Variants in TIAM2 observed in about 807,000 individuals in gnomAD.
TIAM2 encodes the protein rho guanine nucleotide exchange factor TIAM2.
A neutral mutation model predicts 152.9 loss-of-function variants in TIAM2; 80 were observed. The observed-to-expected ratio is 0.52, with a 90% CI of 0.44 to 0.63. TIAM2 has a LOEUF of 0.63. TIAM2 is among the 30% of genes least tolerant of loss of function. TIAM2 has a pLI of 0.00. For missense variants in TIAM2, 1,965 were observed against 2,120.1 expected (o/e 0.93, Z 1.44); for synonymous variants, 804 against 838.0 (o/e 0.96, Z 0.70).
At chr6:155,081,680 G>A (rs2114967273) in intron 1 of TIAM2, among the ~76,000 whole-genome samples, 1 of 152,330 alleles carries the variant, frequency 6.6e-6, no homozygotes, top group Non-Finnish European at 1.5e-5. Context: ...GGATGGCTCA[G>A]CCTCCGTGAA....
At chr6:155,092,846 ACT>A (rs34065474) in intron 2 of TIAM2, among the ~76,000 whole-genome samples, 41,582 of 151,660 alleles carry the variant, frequency 0.27, 6,324 homozygotes, top group Middle Eastern at 0.38. Context: ...CAAGAATGAA[ACT>A]CTGTCTCAAA....
chr6:155,225,856 T>C (rs945689410), intron 15 of TIAM2, among the ~76,000 whole-genome samples: 2 of 152,168 alleles, frequency 1.3e-5, no homozygotes, highest in African/African-American at 2.4e-5. Context: ...GATGTGACTG[T>C]TGCATTACTC....
chr6:155,063,781 C>CAAAAA lies in TIAM2; in HGVS notation c.-208-26491_-208-26487dup, dbSNP rs56808026. Among the ~76,000 whole-genome samples the CAAAAA allele has an allele frequency of 1.0e-3, 94 of 90,994 alleles. 2 individuals carry two copies. Among genetic ancestry groups the CAAAAA allele is most frequent in the South Asian group, 3.2e-3 (7 of 2,168 alleles). 59.7% of individuals were successfully genotyped at this position (90,994 alleles called of 152,430 possible). On this transcript the variant is annotated intron_variant, in intron 1 of 26. Transcript: ENST00000682666. The stretch of plus-strand genomic sequence containing the variant: ...TGGGCAACAGAGTGAGACTCTGTCT[C>CAAAAA]AAAAAAAAAAAAAAAAAAAAAGTTA...
intron 7 of TIAM2, among the ~76,000 whole-genome samples, chr6:155,154,520 G>A (rs977877791): frequency 2.0e-5 from 3 of 152,146 alleles, no homozygotes; most frequent in African/African-American, 7.2e-5. Context: ...CCATCCACAC[G>A]CCAGATCGCC....
At chr6:155,075,021 G>C (rs1456305839) in intron 1 of TIAM2, among the ~76,000 whole-genome samples, 1 of 152,154 alleles carries the variant, frequency 6.6e-6, no homozygotes, top group South Asian at 2.1e-4. Context: ...TAAGGACGGT[G>C]GGTGCAGCCG....
chr6:155,074,342 CTTTT>C (rs1008562936), intron 1 of TIAM2, among the ~76,000 whole-genome samples: 2 of 151,040 alleles, frequency 1.3e-5, no homozygotes, highest in Non-Finnish European at 3.0e-5. Flanking sequence ...TAATGATAAG[CTTTT>C]TTTTTGTTTG....
Position 155,254,461 on chromosome 6 carries a change from T to G in TIAM2, c.4356T>G (p.Ser1452=), listed in dbSNP as rs761471189. 1.2e-6 allele frequency: 2 copies of G among 1,614,194 alleles called. No homozygotes were observed. The highest frequency in any genetic ancestry group is 2.2e-5 in the South Asian group (2 of 91,086). ...SKTNIVKVIR[S]ILRENFRRHI... is the part of the protein sequence containing the mutation. ...CCAACATTGTTAAGGTGATTCGTTC[T>G]ATTCTGAGGGAGAACTTCAGGCGTC... Residue 1452 remains serine (S), a synonymous_variant, in exon 26 of 27, where the codon TCT becomes TCG. Transcript: ENST00000682666.
At chr6:155,051,730 C>G (rs891166192) in intron 1 of TIAM2, among the ~76,000 whole-genome samples, 2 of 151,968 alleles carry the variant, frequency 1.3e-5, no homozygotes, top group South Asian at 4.2e-4. Flanking sequence ...CTGCAACTTC[C>G]GCCTCCCAGG....
chr6:155,074,718 A>T (rs915962360), intron 1 of TIAM2, among the ~76,000 whole-genome samples: 1 of 152,108 alleles, frequency 6.6e-6, no homozygotes, highest in East Asian at 1.9e-4. Flanking sequence ...TGTGTTTATT[A>T]CGTTCTTTCT....
At chr6:155,107,291 A>G (rs548562540) in intron 2 of TIAM2, among the ~76,000 whole-genome samples, 1 of 152,272 alleles carries the variant, frequency 6.6e-6, no homozygotes, top group South Asian at 2.1e-4. Flanking sequence ...GTCTGACATT[A>G]TTTTGTACTT....
intron 1 of TIAM2, among the ~76,000 whole-genome samples, chr6:155,011,627 T>C (rs892284040): frequency 6.6e-6 from 1 of 152,248 alleles, no homozygotes; most frequent in Non-Finnish European, 1.5e-5. Context: ...GTGCTAAGCA[T>C]AATTTTAGTT....
chr6:155,056,655 A>G (rs554954029), intron 1 of TIAM2, among the ~76,000 whole-genome samples: 3 of 152,238 alleles, frequency 2.0e-5, no homozygotes, highest in East Asian at 3.9e-4. Context: ...TTGTAGAACA[A>G]TTTTAGATTT....
intron 2 of TIAM2, among the ~76,000 whole-genome samples, chr6:155,097,875 A>T (rs1012055141): frequency 1.3e-5 from 2 of 152,168 alleles, no homozygotes; most frequent in African/African-American, 4.8e-5. Context: ...TTCTGCCTAT[A>T]GTTAACAGTT....
At position 155,166,321 on chromosome 6, in the gene TIAM2, C is replaced by CTT. The variant is rs764098752; in HGVS notation, c.2361+923_2361+924dup. On this transcript the variant is annotated intron_variant, in intron 9 of 26. Transcript: ENST00000682666. Reference sequence around the variant, plus strand: ...CAACACTTTCTTTTTCTTTTCTTCTCTTTTTTTTTTTTCTTTTTTTGAGAT... The same window carrying CTT: ...CAACACTTTCTTTTTCTTTTCTTCTCTTTTTTTTTTTTTTCTTTTTTTGAGAT... 9.1e-4 allele frequency among the ~76,000 whole-genome samples: 131 copies of CTT among 144,008 alleles called. 2 individuals carry two copies. The highest frequency in any genetic ancestry group is 3.1e-3 in the African/African-American group (121 of 39,644). 94.5% of individuals were successfully genotyped at this position (144,008 alleles called of 152,430 possible).
intron 2 of TIAM2, among the ~76,000 whole-genome samples, chr6:155,120,595 A>G (rs554659528): frequency 1.3e-5 from 2 of 152,278 alleles, no homozygotes; most frequent in Non-Finnish European, 2.9e-5. Context: ...GTAGAGGTGA[A>G]TGCTTTTGTT....
At chr6:155,187,573 C>CCTTTTTTTTTTTTTTTTTTTTTTTTTT (rs1189509294) in intron 14 of TIAM2, among the ~76,000 whole-genome samples, 1 of 49,614 alleles carries the variant, frequency 2.0e-5, no homozygotes. Flanking sequence ...ACCCCGCCCC[C>CCTTTTTTTTTTTTTTTTTTTTTTTTTT]TTTTTTTTTT....
chr6:155,130,530 A>G (rs1779423394), intron 4 of TIAM2, 113 bp downstream of exon 4: 1 of 956,692 alleles, frequency 1.0e-6, no homozygotes, highest in Non-Finnish European at 1.5e-6. Flanking sequence ...GTGATCTGGC[A>G]AAAGTGAAGA....
At chr6:155,216,827 A>G (rs995094548) in intron 15 of TIAM2, 3 of 1,027,494 alleles carry the variant, frequency 2.9e-6, no homozygotes, top group Non-Finnish European at 3.7e-6. Context: ...TTTCTAGAGC[A>G]GGCAGGCTCC....
intron 1 of TIAM2, among the ~76,000 whole-genome samples, chr6:155,081,928 C>T (rs35151978): frequency 0.089 from 13,524 of 152,198 alleles, 754 homozygotes; most frequent in South Asian, 0.18. Flanking sequence ...TCTTCTGCCT[C>T]AGTAGTTATT....
Sources: gnomAD v4.1 joint callset for allele counts (sites outside exome capture counted in the v4.1 genomes callset) on GRCh38, gnomAD v4.1.1 for gene constraint, MANE v1.5 for transcripts, NCBI Gene and HGNC (gene_info 2026-07-23, HGNC 2026-07-21) for gene names.